The following RPS6KC1 variants were observed in gnomAD, a reference collection of about 807,000 sequenced individuals.
RPS6KC1 encodes inactive ribosomal protein S6 kinase delta-1.
In RPS6KC1, 54 loss-of-function variants were observed where a neutral mutation model predicts 103.8. That is an observed-to-expected ratio of 0.52 (90% CI 0.42 to 0.65). RPS6KC1 has a LOEUF of 0.65. RPS6KC1 is among the 30% of genes least tolerant of loss of function. The pLI is 0.00. For missense variants in RPS6KC1, 1,151 were observed against 1,253.8 expected, an observed-to-expected ratio of 0.92 and a Z score of 1.24; for synonymous variants, 439 against 438.7, an observed-to-expected ratio of 1.00 and a Z score of -0.01.
chr1:213,219,739 C>A (rs946264291), intron 8 of RPS6KC1, among the ~76,000 whole-genome samples: 1 of 151,696 alleles, frequency 6.6e-6, no homozygotes, highest in African/African-American at 2.4e-5. Flanking sequence ...AACCATCATT[C>A]TCAGCAAACT....
At chr1:213,684,451 C>T in the RPS6KC1 span, among the ~76,000 whole-genome samples, 14,314 of 152,144 alleles carry the variant, frequency 0.094, 781 homozygotes, top group African/African-American at 0.12. Flanking sequence ...GTCCCCATTA[C>T]CCCTAAAACA....
chr1:213,254,252 A>G (rs1366945940), intron 12 of RPS6KC1, among the ~76,000 whole-genome samples: 2 of 152,214 alleles, frequency 1.3e-5, no homozygotes, highest in African/African-American at 4.8e-5. Context: ...GAATTTTACT[A>G]AACAGTTTGC....
At chr1:213,207,130 T>C (rs1290851912) in intron 8 of RPS6KC1, among the ~76,000 whole-genome samples, 2 of 152,086 alleles carry the variant, frequency 1.3e-5, no homozygotes, top group African/African-American at 4.8e-5. Flanking sequence ...ATAGCTTCTG[T>C]GGAATAAATA....
chr1:213,460,313 T>A, the RPS6KC1 span, among the ~76,000 whole-genome samples: 84 of 152,246 alleles, frequency 5.5e-4, no homozygotes, highest in East Asian at 1.9e-4. Context: ...GTTGCATTGA[T>A]CCCTTTACCA....
chr1:213,327,236 A>AAAAGAAAAG, the RPS6KC1 span, among the ~76,000 whole-genome samples: 467 of 144,690 alleles, frequency 3.2e-3, 4 homozygotes, highest in African/African-American at 9.4e-3. Flanking sequence ...GAAAGAAAAG[A>AAAAGAAAAG]AAAGAAAGAA....
chr1:213,590,090 C>A, the RPS6KC1 span, among the ~76,000 whole-genome samples: 1 of 152,032 alleles, frequency 6.6e-6, no homozygotes. Context: ...GTTTGCCATA[C>A]ATATTACTTA....
chr1:213,383,331 C>G, the RPS6KC1 span, among the ~76,000 whole-genome samples: 1 of 152,210 alleles, frequency 6.6e-6, no homozygotes, highest in Admixed American at 6.5e-5. Flanking sequence ...TTGGAGCCCT[C>G]CCATCCCACC....
At chr1:213,295,568 A>G in the RPS6KC1 span, among the ~76,000 whole-genome samples, 1 of 152,218 alleles carries the variant, frequency 6.6e-6, no homozygotes, top group Non-Finnish European at 1.5e-5. Context: ...TAAGGAGCTC[A>G]GAATATATGT....
the RPS6KC1 span, among the ~76,000 whole-genome samples, chr1:213,427,565 C>G: frequency 6.6e-6 from 1 of 152,032 alleles, no homozygotes; most frequent in Non-Finnish European, 1.5e-5. Flanking sequence ...TATTTTTTTG[C>G]TCTGGCTCCT....
At chr1:213,440,872 G>A in the RPS6KC1 span, among the ~76,000 whole-genome samples, 1 of 152,228 alleles carries the variant, frequency 6.6e-6, no homozygotes, top group African/African-American at 2.4e-5. Flanking sequence ...TAGCCATTGT[G>A]TGAGGTGGGT....
chr1:213,758,157 C>G, the RPS6KC1 span, among the ~76,000 whole-genome samples: 2 of 152,146 alleles, frequency 1.3e-5, no homozygotes, highest in Non-Finnish European at 2.9e-5. Flanking sequence ...ACTTTCAAGT[C>G]TTATTATTTA....
rs181938561 is a variant in RPS6KC1, at chr1:213,268,052, A to G, written c.3091-4472A>G. On this transcript the variant is annotated intron_variant, in intron 14 of 14. Transcript: ENST00000366960. The stretch of plus-strand genomic sequence containing the variant: ...AAACGTTCCAAATTTGATTAAAAAC[A>G]TTAACTTATGCATCCAAGAAACTCA... Among the ~76,000 whole-genome samples the G allele has an allele frequency of 7.9e-5, 12 of 152,080 alleles. No individual in the cohort carries two copies. In the East Asian group the frequency reaches 2.3e-3, roughly 29 times the overall value.
At chr1:213,058,028 AAAGTGCTGGGAT>A (rs1236657250) in intron 1 of RPS6KC1, among the ~76,000 whole-genome samples, 6 of 148,900 alleles carry the variant, frequency 4.0e-5, no homozygotes, top group Non-Finnish European at 8.9e-5. Flanking sequence ...TTGGCCTTCC[AAAGTGCTGGGAT>A]TACAGACGTG....
intron 1 of RPS6KC1, among the ~76,000 whole-genome samples, chr1:213,060,482 C>G (rs1279644177): frequency 6.6e-6 from 1 of 152,082 alleles, no homozygotes; most frequent in African/African-American, 2.4e-5. Flanking sequence ...CTTGTGTTTT[C>G]TAGAGTCTAG....
the RPS6KC1 span, among the ~76,000 whole-genome samples, chr1:213,461,236 G>A: frequency 7.9e-5 from 12 of 152,254 alleles, no homozygotes; most frequent in Non-Finnish European, 1.2e-4. Flanking sequence ...GGATGTGAAG[G>A]ACCTCTTCAA....
chr1:213,448,527 G>A, the RPS6KC1 span, among the ~76,000 whole-genome samples: 11 of 151,896 alleles, frequency 7.2e-5, no homozygotes, highest in African/African-American at 2.4e-4. Flanking sequence ...AAGCCTGGGC[G>A]GGTCTTCGTA....
the RPS6KC1 span, among the ~76,000 whole-genome samples, chr1:213,859,780 C>T: frequency 6.6e-6 from 1 of 152,148 alleles, no homozygotes; most frequent in African/African-American, 2.4e-5. Flanking sequence ...GCTTTTGGAA[C>T]TTTTTCTCAA....
intron 5 of RPS6KC1, among the ~76,000 whole-genome samples, chr1:213,119,743 T>A (rs755294476): frequency 2.5e-4 from 38 of 151,908 alleles, no homozygotes; most frequent in Admixed American, 2.3e-3. Flanking sequence ...TTTGCTGTAG[T>A]CTAGGCCAGA....
chr1:213,717,327 A>G, the RPS6KC1 span, among the ~76,000 whole-genome samples: 1 of 152,246 alleles, frequency 6.6e-6, no homozygotes, highest in African/African-American at 2.4e-5. Context: ...CAAGGGCATT[A>G]CACAGCAGGG....
Sources: gnomAD v4.1 joint callset for allele counts (sites outside exome capture counted in the v4.1 genomes callset) on GRCh38, gnomAD v4.1.1 for gene constraint, MANE v1.5 for transcripts, NCBI Gene and HGNC (gene_info 2026-07-23, HGNC 2026-07-21) for gene names.